Variants in POLI observed in about 807,000 individuals in gnomAD.
POLI encodes RAD30 homolog B.
A neutral mutation model predicts 51.6 loss-of-function variants in POLI; 58 were observed. That is an observed-to-expected ratio of 1.12 (90% CI 0.91 to 1.40). The LOEUF (loss-of-function observed/expected upper bound fraction) is 1.40, where lower values mean the gene tolerates loss of function less well. Ranked by LOEUF, POLI falls within the 40% of genes most tolerant of loss-of-function variation. The probability of loss-of-function intolerance (pLI) is 0.00; values close to 1 mark genes in which losing one functional copy is unlikely to be tolerated. For missense variants in POLI, 921 were observed against 871.3 expected, an observed-to-expected ratio of 1.06 and a Z score of -0.72; for synonymous variants, 322 against 299.7, an observed-to-expected ratio of 1.07 and a Z score of -0.77.
At chr18:54,270,112 C>T (rs544048976) in intron 1 of POLI, 31 of 813,528 alleles carry the variant, frequency 3.8e-5, no homozygotes, top group African/African-American at 2.6e-4. Flanking sequence ...GTCACGTCTC[C>T]GGTGACCCAC....
intron 7 of POLI, among the ~76,000 whole-genome samples, chr18:54,284,424 T>C (rs2087655715): frequency 6.6e-6 from 1 of 152,206 alleles, no homozygotes; most frequent in Non-Finnish European, 1.5e-5. Flanking sequence ...AGTACCATGC[T>C]AAATACAAAT....
chr18:54,321,149 CT>C (rs2088782805), exon 5 of POLI: 1 of 152,204 alleles, frequency 6.6e-6, no homozygotes, highest in Non-Finnish European at 1.5e-5. Context: ...GCGAAAGCCA[CT>C]TTCTTTCTGC....
chr18:54,284,279 G>A (rs1056129956), intron 7 of POLI, among the ~76,000 whole-genome samples: 2 of 152,132 alleles, frequency 1.3e-5, no homozygotes, highest in African/African-American at 4.8e-5. Flanking sequence ...GTTACCTAAA[G>A]GGGTTTTATG....
chr18:54,296,868 T>A lies in POLI; in HGVS notation c.*2401T>A, dbSNP rs771967929. 73 of 836,922 alleles carry A rather than the reference T, an allele frequency of 8.7e-5. No homozygotes were observed. Among genetic ancestry groups the A allele is most frequent in the Non-Finnish European group, 6.9e-5 (48 of 695,724 alleles). 51.8% of individuals were successfully genotyped at this position (836,922 alleles called of 1,614,324 possible). A position where few individuals can be genotyped will look rare whatever the true frequency, so the allele number is the denominator to read the frequency against. ...GTTTCTAATTTTTAAAAGTCAAATA[T>A]ATGATATTTTTGATAATTTCAATAT... is the stretch of plus-strand genomic sequence containing the variant. On this transcript the variant is annotated 3_prime_UTR_variant, in exon 10 of 10. Transcript: ENST00000579534.
At position 54,312,347 on chromosome 18, in the gene POLI, A is replaced by G. The variant is rs140968794; in HGVS notation, c.334-7926A>G. Among the ~76,000 whole-genome samples, 3 of 152,200 alleles carry G rather than the reference A, an allele frequency of 2.0e-5. No homozygotes were observed. In the South Asian group the frequency reaches 6.2e-4, roughly 32 times the overall value. ...ATATGCCATATTATCTTTATCGAGT[A>G]TATCATTGATGGGCACCTGGGTTGA... On this transcript the variant is annotated intron_variant, in intron 3 of 4. Coordinates refer to the POLI transcript ENST00000579823.
intron 8 of POLI, among the ~76,000 whole-genome samples, chr18:54,290,070 A>G (rs1238351636): frequency 1.3e-5 from 2 of 152,208 alleles, no homozygotes; most frequent in South Asian, 2.1e-4. Context: ...AATTTTTGCA[A>G]TCTACCCATC....
Position 54,283,853 on chromosome 18 carries a change from T to G in POLI, c.976-69T>G. ...AGAATGTATTGAATATTTATTTGAC[T>G]GTACACTGATAATAATTAGATATAG... On this transcript the variant is annotated intron_variant, in intron 6 of 9. Coordinates refer to ENST00000579534, the MANE Select transcript of POLI (RefSeq NM_007195.3). 4.9e-6 allele frequency: 3 copies of G among 610,418 alleles called. No individual in the cohort carries two copies. The South Asian group carries it at 6.6e-5, about 13-fold the overall frequency. The allele number at this position is 610,418 out of a possible 1,614,324, so 37.8% of individuals were successfully genotyped here.
chr18:54,269,698 G>C (rs2086914503), intron 1 of POLI, 37 bp downstream of exon 1: 3 of 1,467,512 alleles, frequency 2.0e-6, no homozygotes, highest in Non-Finnish European at 2.7e-6. Flanking sequence ...GCCTCCTTGG[G>C]TGTAAATGAG....
intron 3 of POLI, among the ~76,000 whole-genome samples, chr18:54,307,522 A>G (rs1230286558): frequency 1.3e-5 from 2 of 152,118 alleles, no homozygotes; most frequent in East Asian, 1.9e-4. Context: ...TCAGTTTTGG[A>G]ATAAGTGCGA....
At chr18:54,269,488 G>T (rs2144405787), upstream of POLI, 1 of 1,488,516 alleles carries the variant, frequency 6.7e-7, no homozygotes, top group East Asian at 2.8e-5. Flanking sequence ...TAGTCCCCCG[G>T]TTTCCCTGGA....
At chr18:54,316,103 C>T (rs1430097626) in intron 3 of POLI, among the ~76,000 whole-genome samples, 1 of 151,974 alleles carries the variant, frequency 6.6e-6, no homozygotes, top group Non-Finnish European at 1.5e-5. Context: ...TTTGTAGAGA[C>T]AGGATTGCAC....
intron 3 of POLI, among the ~76,000 whole-genome samples, chr18:54,274,608 G>T (rs1412094439): frequency 1.3e-5 from 2 of 151,826 alleles, no homozygotes; most frequent in Non-Finnish European, 2.9e-5. Flanking sequence ...ACTTTCCTAT[G>T]CTAAGGTTTG....
At chr18:54,320,105 C>T (rs747429616) in intron 3 of POLI, among the ~76,000 whole-genome samples, 14 of 152,168 alleles carry the variant, frequency 9.2e-5, no homozygotes, top group African/African-American at 2.6e-4. Context: ...TTATGTCTCC[C>T]GAACATTCAG....
At position 54,296,138 on chromosome 18, in the gene POLI, A is replaced by G. The variant is rs572719609; in HGVS notation, c.*1671A>G. On this transcript the variant is annotated 3_prime_UTR_variant, in exon 10 of 10. Transcript: ENST00000579534. ...TTCCAGTAAGGTAATTAAACTTATG[A>G]AAAGGGTATATAACTTTTTGTAAAT... 2.5e-5 allele frequency: 25 copies of G among 982,578 alleles called. No homozygotes were observed. The highest frequency in any genetic ancestry group is 3.0e-5 in the Non-Finnish European group (25 of 827,478). The allele number at this position is 982,578 out of a possible 1,614,324, so 60.9% of individuals were successfully genotyped here.
downstream of POLI, among the ~76,000 whole-genome samples, chr18:54,303,034 G>A (rs2144632247): frequency 6.6e-6 from 1 of 152,322 alleles, no homozygotes; most frequent in African/African-American, 2.4e-5. Context: ...TTATCAGCTT[G>A]TGGATGTCCA....
rs1304599782 is a variant in POLI at position 54,295,176 on chromosome 18, C to CCAGAAAGGCAAGGTGATGGGCCTA, written c.*710_*733dup. 3.0e-6 allele frequency: 3 copies of CCAGAAAGGCAAGGTGATGGGCCTA among 985,108 alleles called. No individual in the cohort carries two copies. Among genetic ancestry groups the CCAGAAAGGCAAGGTGATGGGCCTA allele is most frequent in the Non-Finnish European group, 3.6e-6 (3 of 829,864 alleles). The allele number at this position is 985,108 out of a possible 1,614,324, so 61.0% of individuals were successfully genotyped here. A position where few individuals can be genotyped will look rare whatever the true frequency, so the allele number is the denominator to read the frequency against. On this transcript the variant is annotated 3_prime_UTR_variant, in exon 10 of 10. Coordinates refer to ENST00000579534, the MANE Select transcript of POLI (RefSeq NM_007195.3). ...AAGTAAATTAAGGGAAAGATGGACA[C>CCAGAAAGGCAAGGTGATGGGCCTA]CAGAAAGGCAAGGTGATGGGCCTAT... is the stretch of plus-strand genomic sequence containing the variant.
chr18:54,320,696 A>G (rs1294715757), intron 4 of POLI, among the ~76,000 whole-genome samples: 3 of 152,212 alleles, frequency 2.0e-5, no homozygotes, highest in African/African-American at 7.2e-5. Flanking sequence ...ACGTAAACAC[A>G]TTAACTATAT....
downstream of POLI, among the ~76,000 whole-genome samples, chr18:54,302,788 C>G (rs775950595): frequency 3.3e-5 from 5 of 152,154 alleles, no homozygotes; most frequent in Non-Finnish European, 7.4e-5. Context: ...CCTTCCCAGC[C>G]TCTGGTAACC....
intron 8 of POLI, among the ~76,000 whole-genome samples, chr18:54,290,036 C>G (rs1274037678): frequency 6.6e-6 from 1 of 152,078 alleles, no homozygotes; most frequent in African/African-American, 2.4e-5. Context: ...GCAGAGTGAA[C>G]AGGCAACCTA....
Sources: gnomAD v4.1 joint callset for allele counts (sites outside exome capture counted in the v4.1 genomes callset) on GRCh38, gnomAD v4.1.1 for gene constraint, MANE v1.5 for transcripts, NCBI Gene and HGNC (gene_info 2026-07-23, HGNC 2026-07-21) for gene names.